SEC24B: variants seen among roughly 807,000 people sequenced by gnomAD.
The protein encoded by SEC24B is SEC24 homolog B, COPII component.
In SEC24B, 45 loss-of-function variants were observed where a neutral mutation model predicts 142.8. That is an observed-to-expected ratio of 0.32 (90% confidence interval 0.25 to 0.40). The LOEUF is 0.40. SEC24B is among the 10% of genes least tolerant of loss of function. The probability of loss-of-function intolerance (pLI) is 1.00; values close to 1 mark genes in which losing one functional copy is unlikely to be tolerated. For synonymous variants in SEC24B, 574 were observed against 568.2 expected, an observed-to-expected ratio of 1.01 and a Z score of -0.15; for missense variants, 1,409 against 1,526.8, an observed-to-expected ratio of 0.92 and a Z score of 1.29.
At chr4:109,510,557 G>A (rs1381978611) in intron 8 of SEC24B, among the ~76,000 whole-genome samples, 2 of 152,224 alleles carry the variant, frequency 1.3e-5, no homozygotes, top group African/African-American at 4.8e-5. Context: ...GCCCTGGAAG[G>A]TAGATACACT....
chr4:109,459,529 A>G (rs1164527731), intron 1 of SEC24B, among the ~76,000 whole-genome samples: 2 of 152,192 alleles, frequency 1.3e-5, no homozygotes, highest in Admixed American at 1.3e-4. Context: ...CATTGGGAAC[A>G]TTTAGGTCTT....
chr4:109,486,647 T>C (rs1476731507), intron 4 of SEC24B, among the ~76,000 whole-genome samples: 1 of 152,196 alleles, frequency 6.6e-6, no homozygotes, highest in Non-Finnish European at 1.5e-5. Flanking sequence ...AGAATACTTA[T>C]TATCAGTAAT....
intron 8 of SEC24B, among the ~76,000 whole-genome samples, chr4:109,511,634 A>G (rs1737341318): frequency 6.6e-6 from 1 of 152,234 alleles, no homozygotes; most frequent in Non-Finnish European, 1.5e-5. Context: ...CGTGCAGTCA[A>G]CAAAGACAAA....
At chr4:109,476,211 T>C (rs1174436282) in intron 3 of SEC24B, among the ~76,000 whole-genome samples, 1 of 152,172 alleles carries the variant, frequency 6.6e-6, no homozygotes, top group Non-Finnish European at 1.5e-5. Flanking sequence ...GGTCTCAAAC[T>C]CCTGGCCTCA....
intron 4 of SEC24B, among the ~76,000 whole-genome samples, chr4:109,485,605 C>T (rs1482920666): frequency 2.0e-5 from 3 of 151,946 alleles, no homozygotes; most frequent in African/African-American, 7.3e-5. Context: ...AAAATAATAT[C>T]TTTGTTGGTT....
At chr4:109,507,921 A>G (rs1178057225) in intron 7 of SEC24B, among the ~76,000 whole-genome samples, 1 of 152,176 alleles carries the variant, frequency 6.6e-6, no homozygotes, top group African/African-American at 2.4e-5. Flanking sequence ...CTGGCATTAC[A>G]GGCGTGAGCC....
chr4:109,436,103 T>C (rs1292690804), intron 1 of SEC24B, among the ~76,000 whole-genome samples: 2 of 152,266 alleles, frequency 1.3e-5, no homozygotes, highest in East Asian at 1.9e-4. Flanking sequence ...TTGAAAGTTA[T>C]GGTAAAGTGT....
chr4:109,495,278 A>G (rs1380724002), intron 6 of SEC24B, among the ~76,000 whole-genome samples: 1 of 152,238 alleles, frequency 6.6e-6, no homozygotes, highest in Admixed American at 6.5e-5. Context: ...CATTTGAAGA[A>G]CTTTATGACA....
At chr4:109,539,271 A>ATT (rs1561198617) in intron 23 of SEC24B, among the ~76,000 whole-genome samples, 2 of 151,228 alleles carry the variant, frequency 1.3e-5, no homozygotes, top group African/African-American at 4.9e-5. Flanking sequence ...CAATTTTAAA[A>ATT]ATTTTTTTTT....
intron 19 of SEC24B, among the ~76,000 whole-genome samples, chr4:109,530,955 C>A (rs1423474396): frequency 7.6e-6 from 1 of 132,146 alleles, no homozygotes; most frequent in Non-Finnish European, 1.6e-5. Context: ...TATACAAATA[C>A]ATGATGACTT....
At chr4:109,459,704 T>C (rs756919327) in intron 1 of SEC24B, among the ~76,000 whole-genome samples, 2 of 152,188 alleles carry the variant, frequency 1.3e-5, no homozygotes, top group Non-Finnish European at 2.9e-5. Flanking sequence ...AGCTAGGACA[T>C]TCCTGTTATT....
At chr4:109,484,583 G>T (rs1324022012) in intron 4 of SEC24B, among the ~76,000 whole-genome samples, 2 of 152,146 alleles carry the variant, frequency 1.3e-5, no homozygotes, top group African/African-American at 2.4e-5. Flanking sequence ...AGGTGCAGTG[G>T]CTCACGCCTG....
chr4:109,508,375 G>A (rs1284211233), intron 7 of SEC24B, among the ~76,000 whole-genome samples: 1 of 151,886 alleles, frequency 6.6e-6, no homozygotes, highest in Non-Finnish European at 1.5e-5. Flanking sequence ...GACCAGCCTG[G>A]ACAACATGGC....
chr4:109,482,961 T>TACACACAC (rs1284270282), intron 4 of SEC24B, among the ~76,000 whole-genome samples: 4 of 56,898 alleles, frequency 7.0e-5, no homozygotes, highest in African/African-American at 4.8e-4. Flanking sequence ...TATATATATA[T>TACACACAC]ATATATATAT....
At chr4:109,483,936 TA>T (rs1296603440) in intron 4 of SEC24B, among the ~76,000 whole-genome samples, 3 of 152,244 alleles carry the variant, frequency 2.0e-5, no homozygotes, top group Admixed American at 6.5e-5. Context: ...CATTTGCAAG[TA>T]AATTGGAGAC....
Position 109,513,766 on chromosome 4 carries a change from T to C in SEC24B, c.1923T>C (p.Tyr641=). 1 of 1,611,570 alleles carries C rather than the reference T, an allele frequency of 6.2e-7. No homozygotes were observed. Among genetic ancestry groups the C allele is most frequent in the Non-Finnish European group, 8.5e-7 (1 of 1,177,832 alleles). Residue 641 remains tyrosine, a synonymous_variant, in exon 10 of 24, where the codon TAT becomes TAC. Coordinates refer to ENST00000265175, the MANE Select transcript of SEC24B (RefSeq NM_006323.5). ...ATCTAGTTCCTGAAGAATTTATGTA[T>C]AACCCCCTTACCCGATCTTATGGAG... ...RVNDVPEEFM[Y]NPLTRSYGEP... is the part of the protein sequence containing the mutation.
At chr4:109,505,075 A>G (rs892122448) in intron 6 of SEC24B, among the ~76,000 whole-genome samples, 5 of 152,102 alleles carry the variant, frequency 3.3e-5, no homozygotes, top group Non-Finnish European at 7.4e-5. Flanking sequence ...AACTATAGGC[A>G]GAGGTGTCAA....
intron 4 of SEC24B, among the ~76,000 whole-genome samples, chr4:109,484,129 C>T (rs368539489): frequency 4.7e-4 from 71 of 152,294 alleles, no homozygotes; most frequent in African/African-American, 1.7e-3. Context: ...GGTCCAGGAT[C>T]CAATTTGGAT....
chr4:109,464,098 G>GA (rs1197703057), intron 2 of SEC24B, among the ~76,000 whole-genome samples: 2 of 152,092 alleles, frequency 1.3e-5, no homozygotes, highest in Non-Finnish European at 2.9e-5. Context: ...CCCTATTAGT[G>GA]ACTTTTGCAG....
Sources: allele counts gnomAD v4.1 joint callset (sites outside exome capture counted in the v4.1 genomes callset), GRCh38; gene constraint gnomAD v4.1.1; transcripts MANE v1.5; gene names NCBI Gene and HGNC (gene_info 2026-07-23, HGNC 2026-07-21).